A2ML1: variants seen among roughly 807,000 people sequenced by gnomAD.
The protein encoded by A2ML1 is alpha-2-macroglobulin-like protein 1.
A neutral mutation model predicts 181.9 loss-of-function variants in A2ML1; 161 were observed. The observed-to-expected ratio is 0.89, with a 90% CI of 0.78 to 1.01. The LOEUF is 1.01. Ranked by LOEUF, A2ML1 falls within the 50% of genes least tolerant of loss-of-function variation. A2ML1 has a pLI of 0.00. For synonymous variants in A2ML1, 663 were observed against 666.8 expected, an observed-to-expected ratio of 0.99 and a Z score of 0.09; for missense variants, 1,670 against 1,768.1, an observed-to-expected ratio of 0.94 and a Z score of 1.00.
intron 6 of A2ML1, 76 bp downstream of exon 6, chr12:8,835,742 A>G (rs962467783): frequency 2.0e-5 from 32 of 1,571,662 alleles, no homozygotes; most frequent in Non-Finnish European, 2.6e-5. Flanking sequence ...AGCCGGGCGC[A>G]GTGGCTCACG....
chr12:8,870,101 C>T (rs1472872535), intron 33 of A2ML1, among the ~76,000 whole-genome samples: 1 of 152,120 alleles, frequency 6.6e-6, no homozygotes. Context: ...ACAAAGTTAT[C>T]CTTATTGAAT....
chr12:8,861,100 C>T, intron 27 of A2ML1, 35 bp from the exon 28 acceptor site: 1 of 1,611,760 alleles, frequency 6.2e-7, no homozygotes, highest in Admixed American at 1.7e-5. Context: ...TAAAGGAATG[C>T]CTTATAAGTT....
At chr12:8,874,663 C>G in intron 34 of A2ML1, 136 bp downstream of exon 34, 1 of 692,326 alleles carries the variant, frequency 1.4e-6, no homozygotes, top group Non-Finnish European at 2.4e-6. Context: ...ATTAAATTAT[C>G]TAATCTCCTA....
At position 8,835,686 on chromosome 12, in the gene A2ML1, G is replaced by A. The variant is rs1943248784; in HGVS notation, c.643+20G>A. 3.1e-6 allele frequency: 5 copies of A among 1,613,794 alleles called. No individual in the cohort carries two copies. Among genetic ancestry groups the A allele is most frequent in the Non-Finnish European group, 4.2e-6 (5 of 1,179,836 alleles). On this transcript the variant is annotated intron_variant, in intron 6 of 35. Coordinates refer to ENST00000299698, the MANE Select transcript of A2ML1 (RefSeq NM_144670.6). ...AATATGGTAGGTGGGGAAATGGACA[G>A]GCCAAAGTATTGGGCATAATCTCAT...
At chr12:8,865,812 T>G (rs996913313) in intron 29 of A2ML1, among the ~76,000 whole-genome samples, 2 of 152,214 alleles carry the variant, frequency 1.3e-5, no homozygotes, top group Admixed American at 1.3e-4. Context: ...TAGTCATTAA[T>G]CTATGTATTC....
chr12:8,870,767 C>G (rs1318798398), intron 33 of A2ML1, among the ~76,000 whole-genome samples: 1 of 152,122 alleles, frequency 6.6e-6, no homozygotes, highest in Non-Finnish European at 1.5e-5. Flanking sequence ...TACCATCTGT[C>G]AGTGTCTAGG....
At chr12:8,828,704 G>T (rs1291084338) in intron 3 of A2ML1, among the ~76,000 whole-genome samples, 1 of 152,102 alleles carries the variant, frequency 6.6e-6, no homozygotes, top group Non-Finnish European at 1.5e-5. Context: ...AGCTGGGAAT[G>T]TGCTGAATCA....
chr12:8,824,914 G>A (rs2136704085), intron 3 of A2ML1, among the ~76,000 whole-genome samples: 1 of 152,194 alleles, frequency 6.6e-6, no homozygotes, highest in African/African-American at 2.4e-5. Flanking sequence ...TGCAAAGGAT[G>A]GGGTCTCATT....
At chr12:8,834,537 A>C in intron 4 of A2ML1, 125 bp from the exon 5 acceptor site, 1 of 1,193,538 alleles carries the variant, frequency 8.4e-7, no homozygotes, top group South Asian at 1.4e-5. Flanking sequence ...GCCATTTAGA[A>C]AGGAAGAAAT....
At chr12:8,859,594 C>A (rs905984256) in intron 26 of A2ML1, among the ~76,000 whole-genome samples, 2 of 151,864 alleles carry the variant, frequency 1.3e-5, no homozygotes, top group African/African-American at 4.8e-5. Context: ...TTTCTTGAGA[C>A]AAGAGTCTTA....
rs768879801 is a variant in A2ML1 at position 8,829,736 on chromosome 12, G to T, written c.419G>T (p.Arg140Leu). The T allele has an allele frequency of 3.7e-6, 6 of 1,613,572 alleles. No individual in the cohort carries two copies. The highest frequency in any genetic ancestry group is 3.4e-6 in the Non-Finnish European group (4 of 1,179,860). The part of the protein sequence containing the change: ...LYTPGQQVYF[R>L]IVTMDSNFVP... Reference sequence around the variant, plus strand: ...GCCTGTTCCTTTCCAGTGTATTTCCGCATTGTCACCATGGATAGCAACTTC... The same window carrying T: ...GCCTGTTCCTTTCCAGTGTATTTCCTCATTGTCACCATGGATAGCAACTTC... The change falls in exon 4 of 36, where the codon CGC becomes CTC. Residue 140 changes from arginine to leucine, a missense_variant. By Grantham distance (102) the Arg-to-Leu change is moderately radical. Transcript: ENST00000299698.
Position 8,846,081 on chromosome 12 carries a change from G to C in A2ML1, c.1542G>C (p.Leu514=), listed in dbSNP as rs768356545. The C allele has an allele frequency of 5.0e-6, 8 of 1,614,068 alleles. No homozygotes were observed. In the Admixed American group the frequency reaches 6.7e-5, roughly 13 times the overall value. The change falls in exon 14 of 36, where the codon CTG becomes CTC. Residue 514 remains leucine, a synonymous_variant. Coordinates refer to ENST00000299698, the MANE Select transcript of A2ML1 (RefSeq NM_144670.6). ...QKHLNSKKKG[L]KASFSLSLTF... is the part of the protein sequence containing the mutation. ...ATATTCCCTCTTCTCTTTCAGGACT[G>C]AAAGCCTCCTTCTCTCTCTCACTGA...
intron 22 of A2ML1, 33 bp downstream of exon 22, chr12:8,854,864 A>G (rs1432875770): frequency 6.2e-7 from 1 of 1,609,130 alleles, no homozygotes; most frequent in African/African-American, 1.3e-5. Context: ...TGGTGGTGAG[A>G]ATTCCCTTAG....
At chr12:8,834,884 G>GTAGA in intron 5 of A2ML1, 1 of 597,960 alleles carries the variant, frequency 1.7e-6, no homozygotes, top group South Asian at 2.1e-5. Flanking sequence ...CTACATTTCA[G>GTAGA]TAGACAAGGA....
chr12:8,886,997 TAAAC>T (rs1171819236), exon 8 of A2ML1: 1 of 151,398 alleles, frequency 6.6e-6, no homozygotes, highest in Non-Finnish European at 1.5e-5. Flanking sequence ...TATAAATAAA[TAAAC>T]AAAAAAATTT....
chr12:8,838,532 A>G, intron 9 of A2ML1, 82 bp downstream of exon 9: 1 of 1,026,848 alleles, frequency 9.7e-7, no homozygotes. Flanking sequence ...CCAAGTATAC[A>G]AGACCTACCC....
intron 35 of A2ML1, 107 bp from the exon 36 acceptor site, chr12:8,875,951 G>A (rs1005216355): frequency 1.3e-5 from 2 of 152,084 alleles, no homozygotes; most frequent in African/African-American, 4.8e-5. Context: ...GTGCATTTGT[G>A]AGATTTTTTT....
intron 17 of A2ML1, 119 bp downstream of exon 17, chr12:8,849,878 G>A (rs1010551482): frequency 2.2e-6 from 2 of 909,274 alleles, no homozygotes; most frequent in Non-Finnish European, 3.4e-6. Context: ...CTAATGGGTT[G>A]TGGGTCACAG....
chr12:8,881,781 G>A (rs1205801849), downstream of A2ML1, among the ~76,000 whole-genome samples: 4 of 152,158 alleles, frequency 2.6e-5, no homozygotes, highest in African/African-American at 9.7e-5. Flanking sequence ...GGAGGCCGAG[G>A]CGGGTGGATC....
Sources: gnomAD v4.1 joint callset for allele counts (sites outside exome capture counted in the v4.1 genomes callset) on GRCh38, gnomAD v4.1.1 for gene constraint, MANE v1.5 for transcripts, NCBI Gene and HGNC (gene_info 2026-07-23, HGNC 2026-07-21) for gene names.